CAND1: variants seen among roughly 807,000 people sequenced by gnomAD.
The protein encoded by CAND1 is cullin-associated NEDD8-dissociated protein 1.
A neutral mutation model predicts 108.5 loss-of-function variants in CAND1; 7 were observed. The ratio of observed to expected loss-of-function variants is 0.06; its 90% CI spans 0.04 to 0.12. The LOEUF (loss-of-function observed/expected upper bound fraction) is 0.12, where lower values mean the gene tolerates loss of function less well. CAND1 is among the 10% of genes least tolerant of loss of function. The pLI, the probability that CAND1 is intolerant of heterozygous loss-of-function variation, is 1.00. For synonymous variants in CAND1, 534 were observed against 512.0 expected, an observed-to-expected ratio of 1.04 and a Z score of -0.58; for missense variants, 941 against 1,448.7, an observed-to-expected ratio of 0.65 and a Z score of 5.69.
At chr12:67,280,193 C>A (rs1365639065) in intron 1 of CAND1, among the ~76,000 whole-genome samples, 1 of 152,072 alleles carries the variant, frequency 6.6e-6, no homozygotes, top group South Asian at 2.1e-4. Flanking sequence ...TTTTACAGAA[C>A]GTGGTAAGAA....
chr12:67,275,193 T>G (rs2044557302), intron 1 of CAND1, among the ~76,000 whole-genome samples: 1 of 152,018 alleles, frequency 6.6e-6, no homozygotes. Flanking sequence ...GAAGAAAGAT[T>G]AGTAAAAATT....
intron 1 of CAND1, among the ~76,000 whole-genome samples, chr12:67,275,065 C>G (rs2044556331): frequency 6.6e-6 from 1 of 151,952 alleles, no homozygotes; most frequent in Admixed American, 6.6e-5. Flanking sequence ...ATGGCAGTAA[C>G]TTTCTTGATT....
chr12:67,316,131 C>T lies in CAND1; in HGVS notation c.*3301C>T, dbSNP rs2136027609. On this transcript the variant is annotated 3_prime_UTR_variant, in exon 15 of 15. Transcript: ENST00000545606. ...TTAAATTGAATCCTAATTTTCAAACCACTGCTACCCCAGATTCATACCTGT... is the reference window on the plus strand; with the variant it reads ...TTAAATTGAATCCTAATTTTCAAACTACTGCTACCCCAGATTCATACCTGT... 1 of 152,178 alleles carries T rather than the reference C, an allele frequency of 6.6e-6. No homozygotes were observed. Among genetic ancestry groups the T allele is most frequent in the Non-Finnish European group, 1.5e-5 (1 of 67,998 alleles). The allele number at this position is 152,178 out of a possible 1,614,324, so 9.4% of individuals were successfully genotyped here. A position where few individuals can be genotyped will look rare whatever the true frequency, so the allele number is the denominator to read the frequency against.
chr12:67,310,067 A>G lies in CAND1; in HGVS notation c.3192A>G (p.Arg1064=). The G allele has an allele frequency of 6.2e-7, 1 of 1,611,436 alleles. No homozygotes were observed. The highest frequency in any genetic ancestry group is 1.7e-5 in the Admixed American group (1 of 59,694). The stretch of plus-strand genomic sequence containing the variant: ...CAAAAGTTAGAAAGGAGCTTATAAG[A>G]GAGGTAAGTTAGATCACACTGTTTA... ...NETKVRKELI[R]EVEMGPFKHT... The change falls in exon 12 of 15, where the codon AGA becomes AGG. Residue 1064 remains arginine, a synonymous_variant. Transcript: ENST00000545606.
intron 2 of CAND1, among the ~76,000 whole-genome samples, chr12:67,284,585 A>T (rs550104525): frequency 6.6e-6 from 1 of 152,290 alleles, no homozygotes; most frequent in African/African-American, 2.4e-5. Flanking sequence ...TTGATTTGTC[A>T]TTAGAGTGAA....
At chr12:67,273,291 GTTATT>G (rs1399166232) in intron 1 of CAND1, among the ~76,000 whole-genome samples, 1 of 152,044 alleles carries the variant, frequency 6.6e-6, no homozygotes, top group East Asian at 1.9e-4. Flanking sequence ...AGTGTATATA[GTTATT>G]TTAAGGACCT....
intron 1 of CAND1, among the ~76,000 whole-genome samples, chr12:67,278,699 A>G (rs1006606167): frequency 2.0e-5 from 3 of 150,140 alleles, no homozygotes; most frequent in Non-Finnish European, 4.4e-5. Context: ...TTGTAATTTT[A>G]GTAGAGACAG....
chr12:67,281,416 T>G lies in CAND1; in HGVS notation c.69-494T>G, dbSNP rs376541301. The stretch of plus-strand genomic sequence containing the variant: ...TTTCCAGTAATATGTGATCATCCCC[T>G]GCAATGCAACGTACTTGTTTTGAAA... On this transcript the variant is annotated intron_variant, in intron 1 of 14. Transcript: ENST00000545606. 2.0e-5 allele frequency among the ~76,000 whole-genome samples: 3 copies of G among 152,308 alleles called. No homozygotes were observed. The East Asian group carries it at 5.8e-4, about 29-fold the overall frequency.
chr12:67,293,947 T>C (rs1490786089), intron 3 of CAND1, among the ~76,000 whole-genome samples: 2 of 152,096 alleles, frequency 1.3e-5, no homozygotes, highest in Non-Finnish European at 2.9e-5. Context: ...TCAGAGAGAT[T>C]AGGTTAATTC....
At chr12:67,312,345 AAG>A (rs1183354476) in intron 14 of CAND1, among the ~76,000 whole-genome samples, 4 of 152,068 alleles carry the variant, frequency 2.6e-5, no homozygotes, top group African/African-American at 9.7e-5. Flanking sequence ...AGTTGAAACA[AAG>A]AGTGTCCTAC....
intron 1 of CAND1, chr12:67,270,109 C>T (rs1470352277): frequency 6.3e-6 from 2 of 318,012 alleles, no homozygotes; most frequent in East Asian, 7.4e-5. Flanking sequence ...GGGGCTAAAC[C>T]ACCCACCATT....
intron 14 of CAND1, among the ~76,000 whole-genome samples, 184 bp from the exon 15 acceptor site, chr12:67,312,422 T>C (rs868799891): frequency 6.6e-6 from 1 of 152,144 alleles, no homozygotes; most frequent in South Asian, 2.1e-4. Context: ...GTGTAAAATA[T>C]TCCCTTAAAA....
At chr12:67,291,889 A>T (rs1304536181) in intron 2 of CAND1, among the ~76,000 whole-genome samples, 1 of 152,108 alleles carries the variant, frequency 6.6e-6, no homozygotes, top group East Asian at 1.9e-4. Flanking sequence ...ATTAATTGAG[A>T]CAGAGTCTCC....
chr12:67,302,522 T>G lies in CAND1; in HGVS notation c.1200T>G (p.Ser400=). 6.2e-7 allele frequency: 1 copy of G among 1,614,168 alleles called. No homozygotes were observed. Among genetic ancestry groups the G allele is most frequent in the Non-Finnish European group, 8.5e-7 (1 of 1,179,994 alleles). The change falls in exon 8 of 15, where the codon TCT becomes TCG. Residue 400 remains serine (S), a synonymous_variant. Coordinates refer to ENST00000545606, the MANE Select transcript of CAND1 (RefSeq NM_018448.5). ...VKADVFHAYL[S]LLKQTRPVQS... is the part of the protein sequence containing the mutation. ...CAGATGTTTTTCACGCATACCTTTCTCTTTTGAAGCAAACTCGTCCTGTAC... is the reference window on the plus strand; with the variant it reads ...CAGATGTTTTTCACGCATACCTTTCGCTTTTGAAGCAAACTCGTCCTGTAC...
intron 1 of CAND1, among the ~76,000 whole-genome samples, chr12:67,278,107 A>G (rs529546552): frequency 1.3e-5 from 2 of 152,246 alleles, no homozygotes; most frequent in African/African-American, 2.4e-5. Flanking sequence ...ACCTGGCACT[A>G]ACTTCCTCCT....
At position 67,269,651 on chromosome 12, in the gene CAND1, G is replaced by T. The variant is rs2044497619; in HGVS notation, c.-67G>T. On this transcript the variant is annotated 5_prime_UTR_variant, in exon 1 of 15. Coordinates refer to ENST00000545606, the MANE Select transcript of CAND1 (RefSeq NM_018448.5). ...GAGAGGAGGAGCTCCAGTGGCGGCG[G>T]CGGCGGCGGCAGCGGCAGCGGGCAG... The T allele has an allele frequency of 7.1e-7, 1 of 1,410,782 alleles. No individual in the cohort carries two copies. The highest frequency in any genetic ancestry group is 1.8e-5 in the Admixed American group (1 of 54,582). 87.4% of individuals were successfully genotyped at this position (1,410,782 alleles called of 1,614,324 possible). A position where few individuals can be genotyped will look rare whatever the true frequency, so the allele number is the denominator to read the frequency against.
chr12:67,275,523 CAAAAAG>C (rs768006215), intron 1 of CAND1, among the ~76,000 whole-genome samples: 172 of 143,850 alleles, frequency 1.2e-3, no homozygotes, highest in Non-Finnish European at 2.2e-3. Flanking sequence ...GAGACTGTCT[CAAAAAG>C]AAAAAAAAAA....
chr12:67,298,963 G>A lies in CAND1; in HGVS notation c.868G>A (p.Val290Ile). 1 of 1,530,416 alleles carries A rather than the reference G, an allele frequency of 6.5e-7. No individual in the cohort carries two copies. Among genetic ancestry groups the A allele is most frequent in the Non-Finnish European group, 9.0e-7 (1 of 1,106,806 alleles). The allele number at this position is 1,530,416 out of a possible 1,614,324, so 94.8% of individuals were successfully genotyped here. A position where few individuals can be genotyped will look rare whatever the true frequency, so the allele number is the denominator to read the frequency against. Reference protein sequence around the residue: ...ESFVRRCPKEVYPHVSTIINI... With the variant: ...ESFVRRCPKEIYPHVSTIINI... ...TTTTGTCTTTAGATGTCCTAAGGAA[G>A]TATATCCTCATGTTTCTACCATTAT... Residue 290 changes from valine (V) to isoleucine (I), a missense_variant, in exon 7 of 15, where the codon GTA becomes ATA. Val to Ile is a conservative substitution (Grantham distance 29). Around this residue, in one of 9 missense-constraint regions of CAND1, gnomAD observed 697 missense variants for 942.0 expected, o/e 0.74. Transcript: ENST00000545606.
intron 2 of CAND1, among the ~76,000 whole-genome samples, chr12:67,288,417 C>T (rs2044692951): frequency 2.0e-5 from 3 of 152,110 alleles, no homozygotes; most frequent in Admixed American, 2.0e-4. Flanking sequence ...CATAAGCCAC[C>T]ATGCCTGGCC....
Sources: allele counts gnomAD v4.1 joint callset (sites outside exome capture counted in the v4.1 genomes callset), GRCh38; gene constraint gnomAD v4.1.1; regional missense constraint gnomAD v4.1.1; transcripts MANE v1.5; gene names NCBI Gene and HGNC (gene_info 2026-07-23, HGNC 2026-07-21).